The following ZBBX variants were observed in gnomAD, a reference collection of about 807,000 sequenced individuals.
The protein encoded by ZBBX is zinc finger B-box domain-containing protein 1.
Under a neutral mutation model 108.5 loss-of-function variants are expected in ZBBX, and 101 were observed. The observed-to-expected ratio is 0.93, with a 90% CI of 0.79 to 1.10. The LOEUF (loss-of-function observed/expected upper bound fraction) is 1.10. Ranked by LOEUF, ZBBX falls within the 50% of genes least tolerant of loss-of-function variation. The probability of loss-of-function intolerance (pLI) is 0.00; values close to 1 mark genes in which losing one functional copy is unlikely to be tolerated. For missense variants in ZBBX, 1,009 were observed against 941.4 expected (o/e 1.07, Z -0.94); for synonymous variants, 356 against 323.4 (o/e 1.10, Z -1.08).
chr3:167,261,401 T>C (rs1210328874), intron 20 of ZBBX, among the ~76,000 whole-genome samples: 1 of 151,482 alleles, frequency 6.6e-6, no homozygotes, highest in African/African-American at 2.4e-5. Flanking sequence ...CCCAAGATTA[T>C]ATGCCATTTG....
At chr3:167,373,958 T>C (rs918417335) in intron 2 of ZBBX, among the ~76,000 whole-genome samples, 171 bp from the exon 3 acceptor site, 4 of 152,140 alleles carry the variant, frequency 2.6e-5, no homozygotes, top group South Asian at 2.1e-4. Context: ...ACTAGGGAAA[T>C]AGTCAACTAA....
intron 20 of ZBBX, among the ~76,000 whole-genome samples, chr3:167,266,123 G>T (rs940641550): frequency 6.6e-6 from 1 of 152,150 alleles, no homozygotes; most frequent in African/African-American, 2.4e-5. Flanking sequence ...GTTAAAATTT[G>T]GTGTTCCAGT....
chr3:167,373,248 T>A (rs909683042), intron 3 of ZBBX, among the ~76,000 whole-genome samples: 1 of 152,098 alleles, frequency 6.6e-6, no homozygotes, highest in African/African-American at 2.4e-5. Context: ...ATACAGTAGG[T>A]TATGTGTAGG....
intron 20 of ZBBX, among the ~76,000 whole-genome samples, chr3:167,250,702 C>T (rs139409791): frequency 0.014 from 2,124 of 152,168 alleles, 27 homozygotes; most frequent in South Asian, 0.026. Flanking sequence ...AGACAGGTCA[C>T]AGTCCATATT....
intron 10 of ZBBX, among the ~76,000 whole-genome samples, chr3:167,329,389 C>T (rs1224563791): frequency 6.6e-6 from 1 of 152,158 alleles, no homozygotes. Context: ...TGTTAGAGTA[C>T]AATTCAGGGT....
intron 20 of ZBBX, among the ~76,000 whole-genome samples, chr3:167,263,805 A>G (rs1232041971): frequency 1.3e-5 from 2 of 152,360 alleles, no homozygotes; most frequent in Non-Finnish European, 2.9e-5. Context: ...CCCAATGCAG[A>G]AAGTGGAGTG....
At chr3:167,306,032 G>T (rs892845572) in intron 16 of ZBBX, 82 bp from the exon 17 acceptor site, 3 of 1,188,830 alleles carry the variant, frequency 2.5e-6, no homozygotes, top group Non-Finnish European at 3.4e-6. Context: ...AAAGTTCTGT[G>T]GTAAAAAAAC....
At chr3:167,271,634 G>C (rs1470401136) in intron 20 of ZBBX, among the ~76,000 whole-genome samples, 4 of 152,016 alleles carry the variant, frequency 2.6e-5, no homozygotes, top group Non-Finnish European at 4.4e-5. Flanking sequence ...AGAGTTCATG[G>C]GTGTATAGGA....
intron 8 of ZBBX, among the ~76,000 whole-genome samples, chr3:167,357,159 G>A (rs1436689274): frequency 1.3e-5 from 2 of 152,116 alleles, no homozygotes; most frequent in Non-Finnish European, 2.9e-5. Flanking sequence ...TAAAGAGTAA[G>A]TATAGATGGA....
intron 1 of ZBBX, among the ~76,000 whole-genome samples, chr3:167,397,166 A>AAAAAAAAAAC (rs1748265803): frequency 6.7e-6 from 1 of 148,258 alleles, no homozygotes. Context: ...AAAAAAAAAA[A>AAAAAAAAAAC]TCTGACTCCT....
At position 167,350,610 on chromosome 3, in the gene ZBBX, A is replaced by G. The variant is rs1364800266; in HGVS notation, c.433-95T>C. ...AAAGATGTCTTGTTTTTTAATATTT[A>G]TTTCTCTAATTAAATACCTATATCA... is the stretch of plus-strand genomic sequence containing the variant. On this transcript the variant is annotated intron_variant, in intron 8 of 21. Transcript: ENST00000675490. 4 of 841,462 alleles carry G rather than the reference A, an allele frequency of 4.8e-6. No individual in the cohort carries two copies. The African/African-American group carries it at 5.2e-5, about 11-fold the overall frequency. 52.1% of individuals were successfully genotyped at this position (841,462 alleles called of 1,614,324 possible).
intron 20 of ZBBX, among the ~76,000 whole-genome samples, chr3:167,276,336 A>C: frequency 1.3e-5 from 2 of 151,508 alleles, no homozygotes; most frequent in Admixed American, 1.3e-4. Context: ...GAAGTTGAAA[A>C]CTTTGAAAAA....
At position 167,368,700 on chromosome 3, in the gene ZBBX, T is replaced by G. The variant is rs928697866; in HGVS notation, c.69-126A>C. On this transcript the variant is annotated intron_variant, in intron 4 of 21. Coordinates refer to ENST00000675490, the MANE Select transcript of ZBBX (RefSeq NM_001199201.2). ...TAAAATATTTTACCTATTTCTTTTG[T>G]ACTTCTCCGAAATCTGGTTTTTAAA... 1.9e-5 allele frequency: 25 copies of G among 1,286,710 alleles called. No individual in the cohort carries two copies. The African/African-American group carries it at 3.6e-4, about 18-fold the overall frequency. The allele number at this position is 1,286,710 out of a possible 1,614,324, so 79.7% of individuals were successfully genotyped here.
At chr3:167,199,353 G>A in the ZBBX span, among the ~76,000 whole-genome samples, 2 of 152,100 alleles carry the variant, frequency 1.3e-5, no homozygotes, top group African/African-American at 4.8e-5. Context: ...GCAGCATCTG[G>A]GGAATACTTT....
chr3:167,368,074 A>T (rs1327486190), intron 5 of ZBBX, among the ~76,000 whole-genome samples: 1 of 150,432 alleles, frequency 6.6e-6, no homozygotes, highest in Non-Finnish European at 1.5e-5. Context: ...TTTTGAATAC[A>T]TAAAAATGGC....
At chr3:167,237,169 C>T (rs968035872), downstream of ZBBX, among the ~76,000 whole-genome samples, 1 of 151,430 alleles carries the variant, frequency 6.6e-6, no homozygotes, top group Admixed American at 6.6e-5. Flanking sequence ...TAATGCCCAG[C>T]ATTAAGTGAT....
chr3:167,241,038 C>A (rs1720580141), intron 21 of ZBBX, 119 bp from the exon 22 acceptor site: 1 of 1,030,474 alleles, frequency 9.7e-7, no homozygotes, highest in East Asian at 2.8e-5. Flanking sequence ...TGTGAGGGAG[C>A]TGTATCAGAC....
chr3:167,253,284 A>T (rs1481494773), intron 20 of ZBBX, among the ~76,000 whole-genome samples: 2 of 152,204 alleles, frequency 1.3e-5, no homozygotes, highest in East Asian at 3.8e-4. Context: ...TAGGAAAGAG[A>T]CAGTCATAAA....
intron 8 of ZBBX, among the ~76,000 whole-genome samples, chr3:167,356,619 G>A (rs923820246): frequency 1.3e-5 from 2 of 152,088 alleles, no homozygotes; most frequent in Admixed American, 1.3e-4. Flanking sequence ...AGGAAAATAT[G>A]TGTAAATTAA....
Sources: gnomAD v4.1 joint callset for allele counts (sites outside exome capture counted in the v4.1 genomes callset) on GRCh38, gnomAD v4.1.1 for gene constraint, MANE v1.5 for transcripts, NCBI Gene and HGNC (gene_info 2026-07-23, HGNC 2026-07-21) for gene names.